Variants in CHD7 observed in about 807,000 individuals in gnomAD.
CHD7 encodes the protein chromodomain helicase DNA binding protein 7.
A neutral mutation model predicts 307.3 loss-of-function variants in CHD7; 24 were observed. That is an observed-to-expected ratio of 0.08 (90% CI 0.06 to 0.11). The LOEUF is 0.11. Ranked by LOEUF, CHD7 falls within the 10% of genes least tolerant of loss-of-function variation. The pLI is 1.00. For synonymous variants in CHD7, 1,363 were observed against 1,349.9 expected (o/e 1.01, Z -0.21); for missense variants, 3,106 against 3,727.1 (o/e 0.83, Z 4.34).
intron 9 of CHD7, 144 bp downstream of exon 9, chr8:60,820,234 G>T: frequency 2.2e-6 from 1 of 463,712 alleles, no homozygotes; most frequent in East Asian, 3.2e-5. Flanking sequence ...GAAACTTAAT[G>T]ATTTATTATT....
At chr8:60,694,138 G>A (rs1322421848) in intron 1 of CHD7, among the ~76,000 whole-genome samples, 1 of 152,254 alleles carries the variant, frequency 6.6e-6, no homozygotes, top group African/African-American at 2.4e-5. Flanking sequence ...TCTAAAGAGC[G>A]AATGGCAATT....
intron 11 of CHD7, 81 bp from the exon 12 acceptor site, chr8:60,822,421 CA>C (rs1804087888): frequency 1.5e-6 from 2 of 1,354,108 alleles, no homozygotes; most frequent in African/African-American, 2.9e-5. Flanking sequence ...TTTGTGGGTA[CA>C]ATGGTATATA....
At chr8:60,814,472 G>T (rs1803636087) in intron 7 of CHD7, among the ~76,000 whole-genome samples, 1 of 152,152 alleles carries the variant, frequency 6.6e-6, no homozygotes, top group African/African-American at 2.4e-5. Context: ...GGGGAAGAGG[G>T]TCTCCCTCTG....
chr8:60,711,700 A>G (rs1243421741), intron 1 of CHD7, among the ~76,000 whole-genome samples: 1 of 152,250 alleles, frequency 6.6e-6, no homozygotes. Context: ...ATTGTCTACC[A>G]TAGAAGTTAT....
At chr8:60,686,130 G>C (rs1457931572) in intron 1 of CHD7, among the ~76,000 whole-genome samples, 1 of 152,132 alleles carries the variant, frequency 6.6e-6, no homozygotes, top group Non-Finnish European at 1.5e-5. Flanking sequence ...TTCCTGTCTT[G>C]TGTTGTTTGT....
At chr8:60,754,675 A>G (rs1001936772) in intron 2 of CHD7, among the ~76,000 whole-genome samples, 2 of 152,198 alleles carry the variant, frequency 1.3e-5, no homozygotes, top group Non-Finnish European at 2.9e-5. Flanking sequence ...ATCTCTAGGA[A>G]ATATTACTGT....
chr8:60,853,703 T>C (rs982362553), intron 31 of CHD7, among the ~76,000 whole-genome samples: 2 of 152,228 alleles, frequency 1.3e-5, no homozygotes, highest in African/African-American at 4.8e-5. Context: ...TTGAAGAACA[T>C]AAACTCTAAG....
chr8:60,821,831 T>C lies in CHD7; in HGVS notation c.2739T>C (p.Tyr913=). The C allele has an allele frequency of 6.3e-7, 1 of 1,577,768 alleles. No homozygotes were observed. The highest frequency in any genetic ancestry group is 8.6e-7 in the Non-Finnish European group (1 of 1,161,078). ...TGGTGAAGTGGTGTTCACTTCCTTATGAAGACAGCACGTGGGAGCGGAGGC... is the reference window on the plus strand; with the variant it reads ...TGGTGAAGTGGTGTTCACTTCCTTACGAAGACAGCACGTGGGAGCGGAGGC... The part of the protein sequence containing the change: ...HYLVKWCSLP[Y]EDSTWERRQD... The change falls in exon 10 of 38, where the codon TAT becomes TAC. Residue 913 remains tyrosine, a synonymous_variant. Coordinates refer to ENST00000423902, the MANE Select transcript of CHD7 (RefSeq NM_017780.4).
At chr8:60,849,780 G>A (rs1360608145) in intron 25 of CHD7, among the ~76,000 whole-genome samples, 1 of 152,216 alleles carries the variant, frequency 6.6e-6, no homozygotes, top group Non-Finnish European at 1.5e-5. Context: ...ATTACAGTTT[G>A]GCTTGCGGCT....
At chr8:60,686,986 G>C (rs1038627094) in intron 1 of CHD7, among the ~76,000 whole-genome samples, 1 of 152,166 alleles carries the variant, frequency 6.6e-6, no homozygotes, top group African/African-American at 2.4e-5. Flanking sequence ...TCACAATACT[G>C]TCCAGGCTGG....
At chr8:60,686,235 G>A (rs760265996) in intron 1 of CHD7, among the ~76,000 whole-genome samples, 2 of 152,080 alleles carry the variant, frequency 1.3e-5, no homozygotes, top group South Asian at 2.1e-4. Flanking sequence ...ATGTTTCCAC[G>A]TGTGGAATGG....
chr8:60,723,962 C>A (rs1808044853), intron 1 of CHD7, among the ~76,000 whole-genome samples: 2 of 152,228 alleles, frequency 1.3e-5, no homozygotes, highest in Admixed American at 6.5e-5. Flanking sequence ...CAGAGTCAGA[C>A]CTGGGTCCTC....
chr8:60,804,617 G>C (rs147197359), intron 6 of CHD7, among the ~76,000 whole-genome samples: 1 of 152,126 alleles, frequency 6.6e-6, no homozygotes, highest in African/African-American at 2.4e-5. Flanking sequence ...TCATACCCAC[G>C]CCTTATTGAT....
rs1461010218 is a variant in CHD7, at chr8:60,743,025, C to T, written c.1593C>T (p.His531=). 6.2e-7 allele frequency: 1 copy of T among 1,613,978 alleles called. No individual in the cohort carries two copies. Among genetic ancestry groups the T allele is most frequent in the East Asian group, 2.2e-5 (1 of 44,886 alleles). The part of the protein sequence containing the change: ...PGLHHQSSPP[H]PHHQPWAQLH... ...TGCACCACCAGTCTTCACCTCCACACCCTCATCACCAGCCTTGGGCACAGC... is the reference window on the plus strand; with the variant it reads ...TGCACCACCAGTCTTCACCTCCACATCCTCATCACCAGCCTTGGGCACAGC... The change falls in exon 2 of 38, where the codon CAC becomes CAT. Residue 531 remains histidine (H), a synonymous_variant. Coordinates refer to ENST00000423902, the MANE Select transcript of CHD7 (RefSeq NM_017780.4).
chr8:60,831,112 A>T (rs954589171), intron 15 of CHD7, among the ~76,000 whole-genome samples: 2 of 152,226 alleles, frequency 1.3e-5, no homozygotes, highest in Non-Finnish European at 2.9e-5. Flanking sequence ...AACTAAATTC[A>T]TAGTGTTATG....
intron 1 of CHD7, among the ~76,000 whole-genome samples, chr8:60,728,476 A>G (rs1488794635): frequency 6.6e-6 from 1 of 152,202 alleles, no homozygotes; most frequent in Non-Finnish European, 1.5e-5. Context: ...CACCTATTTT[A>G]AGGCACCGTG....
chr8:60,713,359 G>A (rs1586199605), intron 1 of CHD7, among the ~76,000 whole-genome samples: 1 of 151,966 alleles, frequency 6.6e-6, no homozygotes, highest in African/African-American at 2.4e-5. Flanking sequence ...ACCCGCCTGC[G>A]TTGGCCTCCC....
chr8:60,757,060 C>T (rs1249458244), intron 2 of CHD7, among the ~76,000 whole-genome samples: 1 of 152,198 alleles, frequency 6.6e-6, no homozygotes. Context: ...CATTTGTCCT[C>T]ACCTGGATGG....
At chr8:60,779,836 C>T (rs552646365) in intron 2 of CHD7, among the ~76,000 whole-genome samples, 2 of 152,212 alleles carry the variant, frequency 1.3e-5, no homozygotes, top group African/African-American at 2.4e-5. Context: ...TGTACCTCCT[C>T]GGACAAGTTA....
Sources: allele counts gnomAD v4.1 joint callset (sites outside exome capture counted in the v4.1 genomes callset), GRCh38; gene constraint gnomAD v4.1.1; transcripts MANE v1.5; gene names NCBI Gene and HGNC (gene_info 2026-07-23, HGNC 2026-07-21).